The following SCRIB variants were observed in gnomAD, a reference collection of about 807,000 sequenced individuals.
SCRIB encodes scribble planar cell polarity protein, also known as protein scribble homolog.
SCRIB carries 72 observed loss-of-function variants against 170.0 expected under a neutral mutation model. The ratio of observed to expected loss-of-function variants is 0.42; its 90% CI spans 0.35 to 0.52. SCRIB has a LOEUF of 0.52. SCRIB is among the 20% of genes least tolerant of loss of function. The pLI is 0.02. For missense variants in SCRIB, 2,475 were observed against 2,338.5 expected, an observed-to-expected ratio of 1.06 and a Z score of -1.20; for synonymous variants, 1,298 against 1,044.3, an observed-to-expected ratio of 1.24 and a Z score of -4.68.
intron 24 of SCRIB, among the ~76,000 whole-genome samples, chr8:143,795,787 A>G (rs9314418): frequency 0.98 from 149,275 of 152,328 alleles, 73,204 homozygotes; most frequent in Middle Eastern, 1. Flanking sequence ...TGCACTAGGC[A>G]AGACTGTGAA....
At chr8:143,815,186 T>C (rs1303791071) in intron 1 of SCRIB, 28 bp downstream of exon 1, 5 of 1,541,416 alleles carry the variant, frequency 3.2e-6, no homozygotes, top group Non-Finnish European at 4.3e-6. Context: ...GGCGCGCCTT[T>C]GGGCGGCAGG....
intron 24 of SCRIB, among the ~76,000 whole-genome samples, chr8:143,802,299 C>T (rs1228601555): frequency 1.3e-5 from 2 of 152,254 alleles, no homozygotes; most frequent in East Asian, 1.9e-4. Flanking sequence ...GGGGCCCCCA[C>T]GCTGGCTGTG....
At chr8:143,793,534 G>A (rs1239398858) in intron 28 of SCRIB, 6 of 307,206 alleles carry the variant, frequency 2.0e-5, no homozygotes, top group Non-Finnish European at 2.4e-5. Context: ...CCACCCCCAC[G>A]TGGCAGTGTG....
chr8:143,806,737 A>C (rs1053954047), intron 17 of SCRIB, among the ~76,000 whole-genome samples, 187 bp downstream of exon 17: 3 of 152,106 alleles, frequency 2.0e-5, no homozygotes, highest in Admixed American at 1.3e-4. Context: ...CTGTGAAGGG[A>C]AGACAGACCC....
Position 143,812,323 on chromosome 8 carries a change from C to T in SCRIB, c.849G>A (p.Glu283=), listed in dbSNP as rs1458975433. The T allele has an allele frequency of 6.2e-7, 1 of 1,613,914 alleles. No individual in the cohort carries two copies. The highest frequency in any genetic ancestry group is 1.1e-5 in the South Asian group (1 of 91,076). ...VDQNRLCEVT[E]AIGDCENLSE... ...AGAGGTTCTCACAGTCCCCGATGGCCTCGGTCACCTCGCACAGCCGATTCT... is the reference window on the plus strand; with the variant it reads ...AGAGGTTCTCACAGTCCCCGATGGCTTCGGTCACCTCGCACAGCCGATTCT... Residue 283 remains glutamate (E), a synonymous_variant, in exon 9 of 37, where the codon GAG becomes GAA. Coordinates refer to ENST00000356994, the MANE Select transcript of SCRIB (RefSeq NM_182706.5).
intron 16 of SCRIB, 105 bp from the exon 17 acceptor site, chr8:143,807,118 TAG>T (rs1223209055): frequency 1.2e-6 from 1 of 842,716 alleles, no homozygotes; most frequent in African/African-American, 1.7e-5. Context: ...GGCTTTTCTC[TAG>T]GCAGCTGAAT....
At chr8:143,813,573 C>T (rs1340697572) in intron 4 of SCRIB, 47 bp from the exon 5 acceptor site, 9 of 1,612,510 alleles carry the variant, frequency 5.6e-6, no homozygotes, top group Non-Finnish European at 1.7e-6. Flanking sequence ...AAAGCAGTGG[C>T]AGCAGGGGCA....
Position 143,805,365 on chromosome 8 carries a change from G to A in SCRIB, c.2417C>T (p.Ala806Val), listed in dbSNP as rs1197328586. Residue 806 changes from alanine to valine, a missense_variant, in exon 19 of 37, where the codon GCC becomes GTC. Ala to Val is a moderately conservative substitution (Grantham distance 64). Around this residue, in one of 3 missense-constraint regions of SCRIB, gnomAD observed 1,966 missense variants for 1,742.9 expected, o/e 1.13. Transcript: ENST00000356994. ...AVEALRGAGT[A>V]VQMRVWRERM... ...CTCCCGCCACACTCGCATCTGCACG[G>A]CAGTGCCGGCCCCCCGGAGCGCCTC... 2 of 1,550,824 alleles carry A rather than the reference G, an allele frequency of 1.3e-6. No individual in the cohort carries two copies. Among genetic ancestry groups the A allele is most frequent in the South Asian group, 1.2e-5 (1 of 85,366 alleles).
chr8:143,801,494 G>A (rs180986271), intron 24 of SCRIB, among the ~76,000 whole-genome samples: 41 of 152,304 alleles, frequency 2.7e-4, no homozygotes, highest in Admixed American at 1.6e-3. Flanking sequence ...AAAGAACCCA[G>A]AAGACTTAAT....
At chr8:143,794,029 G>T (rs1814830207) in intron 27 of SCRIB, 67 bp from the exon 28 acceptor site, 4 of 1,485,362 alleles carry the variant, frequency 2.7e-6, no homozygotes, top group Non-Finnish European at 3.7e-6. Context: ...GGAGGGACTG[G>T]GGGCCCTGGG....
At position 143,815,418 on chromosome 8, in the gene SCRIB, T is replaced by TA. The variant is rs1816038123; in HGVS notation, c.-47_-46insT. ...GCTCCGGCGGCGGCGCTCGGCGGGC[T>TA]CGGGGCCGGGGGGCGGGGCTCAGTC... On this transcript the variant is annotated 5_prime_UTR_variant, in exon 1 of 37. The change creates a premature stop within an existing upstream ORF in the 5' untranslated region. Coordinates refer to ENST00000356994, the MANE Select transcript of SCRIB (RefSeq NM_182706.5). 3 of 1,214,056 alleles carry TA rather than the reference T, an allele frequency of 2.5e-6. No individual in the cohort carries two copies. The highest frequency in any genetic ancestry group is 3.1e-6 in the Non-Finnish European group (3 of 974,354). The allele number at this position is 1,214,056 out of a possible 1,614,324, so 75.2% of individuals were successfully genotyped here.
chr8:143,813,775 G>A (rs377532709), intron 3 of SCRIB, 43 bp downstream of exon 3: 23 of 1,611,236 alleles, frequency 1.4e-5, no homozygotes, highest in African/African-American at 2.7e-5. Flanking sequence ...CAGGGCTGTG[G>A]GACCCATAGC....
rs558321200 is a variant in SCRIB, at chr8:143,801,957, C to T, written c.3603+1426G>A. On this transcript the variant is annotated intron_variant, in intron 24 of 36. Coordinates refer to ENST00000356994, the MANE Select transcript of SCRIB (RefSeq NM_182706.5). ...CAACCTGTGGCCGACAGCAGCGCGG[C>T]ACGCCGGCTGCAGACATGGCACTAG... Among the ~76,000 whole-genome samples the T allele has an allele frequency of 8.5e-5, 13 of 152,370 alleles. No homozygotes were observed. The East Asian group carries it at 2.5e-3, about 29-fold the overall frequency.
At chr8:143,812,775 A>G in intron 8 of SCRIB, 42 bp downstream of exon 8, 1 of 1,586,322 alleles carries the variant, frequency 6.3e-7, no homozygotes. Context: ...TCCCAGGGCC[A>G]GGCTCCGTGT....
At chr8:143,793,588 A>G in intron 28 of SCRIB, 1 of 377,202 alleles carries the variant, frequency 2.7e-6, no homozygotes. Flanking sequence ...CCCAGACAAA[A>G]GGCAGGCAGG....
Position 143,805,256 on chromosome 8 carries a change from C to T in SCRIB, c.2526G>A (p.Gly842=), listed in dbSNP as rs1815369878. Residue 842 remains glycine (G), a synonymous_variant, in exon 19 of 37, where the codon GGG becomes GGA. Coordinates refer to ENST00000356994, the MANE Select transcript of SCRIB (RefSeq NM_182706.5). The part of the protein sequence containing the change: ...DDYSPRERRG[G]GLRLPLLPPE... ...GCGGGAGCAGGGGCAGGCGCAGCCC[C>T]CCTCCCCGCCGCTCTCGGGGGCTGT... 6.5e-7 allele frequency: 1 copy of T among 1,531,772 alleles called. No individual in the cohort carries two copies. Among genetic ancestry groups the T allele is most frequent in the Non-Finnish European group, 8.7e-7 (1 of 1,143,928 alleles). The allele number at this position is 1,531,772 out of a possible 1,614,324, so 94.9% of individuals were successfully genotyped here.
rs936874361 is a variant in SCRIB, at chr8:143,813,886, C to T, written c.288G>A (p.Glu96=). The T allele has an allele frequency of 4.4e-6, 7 of 1,608,240 alleles. No homozygotes were observed. Among genetic ancestry groups the T allele is most frequent in the Non-Finnish European group, 6.0e-6 (7 of 1,176,198 alleles). ...ELDVSRNDIP[E]IPESIKFCKA... Reference sequence around the variant, plus strand: ...TGCAGAACTTGATGCTCTCCGGGATCTCAGGGATATCTGTCACAGAGGGTC... The same window carrying T: ...TGCAGAACTTGATGCTCTCCGGGATTTCAGGGATATCTGTCACAGAGGGTC... The change falls in exon 3 of 37, where the codon GAG becomes GAA. Residue 96 remains glutamate (E), a synonymous_variant. Transcript: ENST00000356994.
chr8:143,804,214 G>A (rs997356134), intron 21 of SCRIB, 58 bp from the exon 22 acceptor site: 57 of 1,323,794 alleles, frequency 4.3e-5, no homozygotes, highest in Admixed American at 6.7e-5. Context: ...AAGGGTGTGG[G>A]AGGGCTCCCA....
chr8:143,807,327 C>A lies in SCRIB; in HGVS notation c.2178+225G>T, dbSNP rs934231567. 5.3e-5 allele frequency among the ~76,000 whole-genome samples: 8 copies of A among 152,202 alleles called. No homozygotes were observed. In the South Asian group the frequency reaches 1.7e-3, roughly 32 times the overall value. On this transcript the variant is annotated intron_variant, in intron 16 of 36. Transcript: ENST00000356994. ...CTCCGCAGGCAGGTAAGGCTCAGAG[C>A]ACCACAGGCGGCTGATGGGAGCTGG...
Sources: allele counts gnomAD v4.1 joint callset (sites outside exome capture counted in the v4.1 genomes callset), GRCh38; gene constraint gnomAD v4.1.1; regional missense constraint gnomAD v4.1.1; transcripts MANE v1.5; gene names NCBI Gene and HGNC (gene_info 2026-07-23, HGNC 2026-07-21).